The following RAMP1 variants were observed in gnomAD, a reference collection of about 807,000 sequenced individuals.
RAMP1 encodes the protein receptor activity-modifying protein 1.
A neutral mutation model predicts 8.2 loss-of-function variants in RAMP1; 7 were observed. The ratio of observed to expected loss-of-function variants is 0.85; its 90% CI spans 0.49 to 1.60. The LOEUF (loss-of-function observed/expected upper bound fraction) is 1.60. RAMP1 is among the 40% of genes most tolerant of loss of function. The pLI is 0.00. For synonymous variants in RAMP1, 92 were observed against 84.7 expected (o/e 1.09, Z -0.47); for missense variants, 192 against 202.4 (o/e 0.95, Z 0.31).
intron 1 of RAMP1, among the ~76,000 whole-genome samples, chr2:237,863,931 C>T (rs554078726): frequency 8.1e-4 from 123 of 152,246 alleles, no homozygotes; most frequent in Non-Finnish European, 1.6e-3. Context: ...CCACCCCTCA[C>T]GGGGACAACT....
chr2:237,872,693 C>G lies in RAMP1; in HGVS notation c.53-4531C>G, dbSNP rs142344557. Among the ~76,000 whole-genome samples the G allele has an allele frequency of 1.0e-3, 155 of 152,282 alleles. No homozygotes were observed. The Middle Eastern group carries it at 0.031, about 30-fold the overall frequency. ...GGCAGGCTACTTAACCTGTCTGAGCCCCTCTGTCCCTGCCATGATGGTTAT... is the reference window on the plus strand; with the variant it reads ...GGCAGGCTACTTAACCTGTCTGAGCGCCTCTGTCCCTGCCATGATGGTTAT... On this transcript the variant is annotated intron_variant, in intron 1 of 2. Coordinates refer to ENST00000254661, the MANE Select transcript of RAMP1 (RefSeq NM_005855.4).
At chr2:237,902,883 A>G (rs990163497) in intron 2 of RAMP1, among the ~76,000 whole-genome samples, 1 of 152,212 alleles carries the variant, frequency 6.6e-6, no homozygotes, top group South Asian at 2.1e-4. Context: ...AAGTTGAGAG[A>G]AAAGTCCTTC....
rs114343606 is a variant in RAMP1 at position 237,907,314 on chromosome 2, G to T, written c.192-4214G>T. On this transcript the variant is annotated intron_variant, in intron 2 of 2. Coordinates refer to ENST00000254661, the MANE Select transcript of RAMP1 (RefSeq NM_005855.4). Reference sequence around the variant, plus strand: ...CTGCTTTGTTTTCTGTCCTGCTTGAGGTTCTCCAAGCTTCTTGGATCTGCG... The same window carrying T: ...CTGCTTTGTTTTCTGTCCTGCTTGATGTTCTCCAAGCTTCTTGGATCTGCG... Among the ~76,000 whole-genome samples, 643 of 152,218 alleles carry T rather than the reference G, an allele frequency of 4.2e-3. 2 individuals carry two copies. The highest frequency in any genetic ancestry group is 0.011 in the African/African-American group (452 of 41,518).
intron 2 of RAMP1, among the ~76,000 whole-genome samples, chr2:237,884,515 A>G (rs1468478542): frequency 6.6e-6 from 1 of 152,136 alleles, no homozygotes; most frequent in Non-Finnish European, 1.5e-5. Flanking sequence ...CTCACGTCAG[A>G]TTTCCTCACC....
intron 2 of RAMP1, among the ~76,000 whole-genome samples, chr2:237,901,803 C>T (rs1403930978): frequency 6.6e-6 from 1 of 152,102 alleles, no homozygotes; most frequent in Non-Finnish European, 1.5e-5. Flanking sequence ...TTGATGGCTG[C>T]CCCTGACTAA....
intron 1 of RAMP1, among the ~76,000 whole-genome samples, chr2:237,876,445 C>G (rs1172281507): frequency 6.6e-6 from 1 of 152,070 alleles, no homozygotes; most frequent in Non-Finnish European, 1.5e-5. Context: ...GGCTGGGGGT[C>G]CCCCCTGGGC....
chr2:237,909,928 C>T (rs10192044), intron 2 of RAMP1, among the ~76,000 whole-genome samples: 15,358 of 152,110 alleles, frequency 0.1, 796 homozygotes, highest in East Asian at 0.14. Flanking sequence ...GAGGGGACTC[C>T]GCGATGGCTT....
intron 2 of RAMP1, among the ~76,000 whole-genome samples, chr2:237,887,760 G>A (rs926600353): frequency 1.3e-5 from 2 of 152,214 alleles, no homozygotes; most frequent in Admixed American, 6.5e-5. Context: ...GCAACATGGC[G>A]AAACCAGGTA....
rs372398250 is a variant in RAMP1 at position 237,865,732 on chromosome 2, C to T, written c.52+6005C>T. On this transcript the variant is annotated intron_variant, in intron 1 of 2. Coordinates refer to ENST00000254661, the MANE Select transcript of RAMP1 (RefSeq NM_005855.4). This position sits in a 1 kb window ranked among gnomAD's most constrained non-coding sequence, Gnocchi z 4.2. ...TCAAATCCTTGCTTGGAGGGGTGAC[C>T]GGTGAGAGTGGGTAGAAACAGGCCC... 6.0e-4 allele frequency among the ~76,000 whole-genome samples: 91 copies of T among 152,102 alleles called. No homozygotes were observed. Among genetic ancestry groups the T allele is most frequent in the African/African-American group, 2.0e-3 (85 of 41,486 alleles).
At chr2:237,899,211 C>G (rs2062574566) in intron 2 of RAMP1, among the ~76,000 whole-genome samples, 1 of 152,122 alleles carries the variant, frequency 6.6e-6, no homozygotes, top group African/African-American at 2.4e-5. Flanking sequence ...GCTGGGACTA[C>G]AGGCACACGC....
intron 2 of RAMP1, among the ~76,000 whole-genome samples, chr2:237,888,355 C>G (rs2062456526): frequency 6.6e-6 from 1 of 152,010 alleles, no homozygotes; most frequent in Non-Finnish European, 1.5e-5. Flanking sequence ...CCGGCCCATT[C>G]TGTGGTTCTT....
chr2:237,911,385 C>CAGGAGGGCAGGGGCCCGATGGCTCCA, intron 2 of RAMP1, 143 bp from the exon 3 acceptor site: 1 of 1,219,016 alleles, frequency 8.2e-7, no homozygotes, highest in Non-Finnish European at 1.1e-6. Context: ...CTCCTGGATC[C>CAGGAGGGCAGGGGCCCGATGGCTCCA]AGGGCCACTG....
chr2:237,893,970 CTTTTTTTTT>C (rs71039788), intron 2 of RAMP1, among the ~76,000 whole-genome samples: 1 of 104,160 alleles, frequency 9.6e-6, no homozygotes, highest in Non-Finnish European at 1.8e-5. Context: ...AAAATACTTT[CTTTTTTTTT>C]TTTTTTTTTT....
intron 2 of RAMP1, among the ~76,000 whole-genome samples, chr2:237,883,422 G>A (rs891004195): frequency 4.6e-5 from 7 of 152,134 alleles, no homozygotes; most frequent in South Asian, 2.1e-4. Flanking sequence ...TCCTAGTGCC[G>A]GCCCAGAAGT....
Position 237,878,780 on chromosome 2 carries a change from TG to T in RAMP1, c.191+1422del, listed in dbSNP as rs527588226. On this transcript the variant is annotated intron_variant, in intron 2 of 2. Coordinates refer to ENST00000254661, the MANE Select transcript of RAMP1 (RefSeq NM_005855.4). This position sits in a 1 kb window ranked among gnomAD's most constrained non-coding sequence, Gnocchi z 5.7. ...AAACTTTTTAAAAAGTAGGAAAGCA[TG>T]GGGTATATGCAGGTGTGCATGCTGG... 2.5e-3 allele frequency among the ~76,000 whole-genome samples: 387 copies of T among 152,318 alleles called. 3 individuals are homozygous for T. Among genetic ancestry groups the T allele is most frequent in the African/African-American group, 7.7e-3 (321 of 41,562 alleles).
At chr2:237,890,658 T>C (rs1046011666) in intron 2 of RAMP1, among the ~76,000 whole-genome samples, 7 of 152,286 alleles carry the variant, frequency 4.6e-5, no homozygotes, top group Admixed American at 3.9e-4. Flanking sequence ...TTTTAACGGT[T>C]ATCTTCATCT....
chr2:237,910,455 TCA>T (rs1205718693), intron 2 of RAMP1, among the ~76,000 whole-genome samples: 3 of 138,142 alleles, frequency 2.2e-5, no homozygotes, highest in South Asian at 4.6e-4. Context: ...AGAATAACAG[TCA>T]CACACAGAGA....
At position 237,865,297 on chromosome 2, in the gene RAMP1, GGAGAGGAGGGGAGGGCAGGGGAGAA is replaced by G. The variant is rs1195681660; in HGVS notation, c.52+5586_52+5610del. On this transcript the variant is annotated intron_variant, in intron 1 of 2. Transcript: ENST00000254661. This position sits in a 1 kb window ranked among gnomAD's most constrained non-coding sequence, Gnocchi z 4.2. ...GGAGGGGAGGGGAGAGCAGGGGAGA[GGAGAGGAGGGGAGGGCAGGGGAGAA>G]GAGAGGAGGGGAGGGGAGGGCAGGG... Among the ~76,000 whole-genome samples the G allele has an allele frequency of 3.8e-5, 5 of 130,450 alleles. No individual in the cohort carries two copies. The highest frequency in any genetic ancestry group is 6.1e-4 in the South Asian group (2 of 3,296). The allele number at this position is 130,450 out of a possible 152,430, so 85.6% of individuals were successfully genotyped here. A position where few individuals can be genotyped will look rare whatever the true frequency, so the allele number is the denominator to read the frequency against.
intron 2 of RAMP1, among the ~76,000 whole-genome samples, chr2:237,900,068 A>T (rs1192332330): frequency 6.6e-6 from 1 of 152,196 alleles, no homozygotes; most frequent in Admixed American, 6.5e-5. Context: ...AAGTATCCCA[A>T]TTCACTGAGG....
Sources: gnomAD v4.1 joint callset for allele counts (sites outside exome capture counted in the v4.1 genomes callset) on GRCh38, gnomAD v4.1.1 for gene constraint, Gnocchi (gnomAD v3.1) non-coding constraint, MANE v1.5 for transcripts, NCBI Gene and HGNC (gene_info 2026-07-23, HGNC 2026-07-21) for gene names.